The following TLK1 variants were observed in gnomAD, a reference collection of about 807,000 sequenced individuals.
TLK1 encodes tousled like kinase 1, also known as serine/threonine-protein kinase tousled-like 1.
In TLK1, 24 loss-of-function variants were observed where a neutral mutation model predicts 105.3. That is an observed-to-expected ratio of 0.23 (90% CI 0.17 to 0.32). The LOEUF (loss-of-function observed/expected upper bound fraction) is 0.32. Ranked by LOEUF, TLK1 falls within the 10% of genes least tolerant of loss-of-function variation. The pLI is 1.00. For synonymous variants in TLK1, 321 were observed against 310.4 expected (o/e 1.03, Z -0.36); for missense variants, 558 against 910.5 (o/e 0.61, Z 4.98).
Position 171,082,149 on chromosome 2 carries a change from A to C in TLK1, c.330+632T>G, listed in dbSNP as rs560193952. 1.8e-4 allele frequency among the ~76,000 whole-genome samples: 27 copies of C among 152,196 alleles called. No individual in the cohort carries two copies. The South Asian group carries it at 5.4e-3, about 30-fold the overall frequency. On this transcript the variant is annotated intron_variant, in intron 3 of 20. Coordinates refer to ENST00000431350, the MANE Select transcript of TLK1 (RefSeq NM_012290.5). ...AACAAATGAATGCTAAAACTCACGG[A>C]ACTTCCTGTCTACCCATTTTTAAAA... is the stretch of plus-strand genomic sequence containing the variant.
intron 1 of TLK1, among the ~76,000 whole-genome samples, chr2:171,177,302 T>TG (rs1324440000): frequency 6.6e-6 from 1 of 151,834 alleles, no homozygotes; most frequent in Admixed American, 6.6e-5. Context: ...CCACCATGCC[T>TG]GGCTAATTTT....
chr2:171,197,995 T>A (rs1575655822), intron 1 of TLK1, among the ~76,000 whole-genome samples: 1 of 152,130 alleles, frequency 6.6e-6, no homozygotes, highest in African/African-American at 2.4e-5. Context: ...TGGATAGACA[T>A]GATGTGTCCA....
chr2:171,091,020 T>C (rs1422753217), intron 2 of TLK1, among the ~76,000 whole-genome samples: 2 of 152,108 alleles, frequency 1.3e-5, no homozygotes, highest in Non-Finnish European at 2.9e-5. Context: ...TTAGACAGAG[T>C]TGCTATAAGA....
At chr2:171,166,565 GT>G (rs1281416747) in intron 1 of TLK1, among the ~76,000 whole-genome samples, 1 of 152,200 alleles carries the variant, frequency 6.6e-6, no homozygotes, top group East Asian at 1.9e-4. Flanking sequence ...ATCCTAAAAT[GT>G]TTTTTATTGA....
intron 3 of TLK1, among the ~76,000 whole-genome samples, chr2:171,074,581 C>T (rs1270262483): frequency 6.9e-6 from 1 of 144,198 alleles, no homozygotes; most frequent in Non-Finnish European, 1.5e-5. Flanking sequence ...GAGCAGAGAT[C>T]GTGCCATTGC....
intron 1 of TLK1, among the ~76,000 whole-genome samples, chr2:171,152,010 C>T (rs1692060875): frequency 6.6e-6 from 1 of 152,118 alleles, no homozygotes; most frequent in South Asian, 2.1e-4. Context: ...TCACACAAAC[C>T]CCTCTGACCT....
intron 1 of TLK1, among the ~76,000 whole-genome samples, chr2:171,122,126 T>C (rs2105538558): frequency 6.6e-6 from 1 of 152,292 alleles, no homozygotes. Flanking sequence ...TTTGTATTTT[T>C]AGTGAAGACG....
intron 1 of TLK1, among the ~76,000 whole-genome samples, chr2:171,125,806 T>C (rs1270807829): frequency 6.6e-6 from 1 of 152,222 alleles, no homozygotes; most frequent in African/African-American, 2.4e-5. Context: ...TTCTGAGATT[T>C]TGGTGCACCC....
chr2:171,123,372 ATT>A (rs35383458), intron 1 of TLK1, among the ~76,000 whole-genome samples: 1 of 150,454 alleles, frequency 6.6e-6, no homozygotes, highest in Non-Finnish European at 1.5e-5. Flanking sequence ...AATTTTTGTA[ATT>A]TTTTTTTTAG....
intron 1 of TLK1, among the ~76,000 whole-genome samples, chr2:171,216,299 A>G (rs1157012074): frequency 6.6e-6 from 1 of 151,914 alleles, no homozygotes; most frequent in East Asian, 1.9e-4. Flanking sequence ...ATACGGTGAA[A>G]CCCTGTCTCT....
intron 11 of TLK1, among the ~76,000 whole-genome samples, chr2:171,028,864 CAGTA>C (rs750557911): frequency 7.9e-5 from 12 of 152,050 alleles, no homozygotes; most frequent in Non-Finnish European, 1.5e-4. Flanking sequence ...GTTTAAGTAA[CAGTA>C]AGTGTCATGA....
At chr2:171,124,583 C>T (rs1690793370) in intron 1 of TLK1, among the ~76,000 whole-genome samples, 1 of 152,180 alleles carries the variant, frequency 6.6e-6, no homozygotes, top group African/African-American at 2.4e-5. Flanking sequence ...AGTACTGATT[C>T]AGTAACACAC....
chr2:171,065,415 A>G (rs902859039), intron 3 of TLK1, among the ~76,000 whole-genome samples: 4 of 152,222 alleles, frequency 2.6e-5, no homozygotes, highest in African/African-American at 9.6e-5. Flanking sequence ...AACAAAAGTT[A>G]CTCTAATATT....
intron 1 of TLK1, among the ~76,000 whole-genome samples, chr2:171,127,047 G>C (rs964756811): frequency 2.0e-5 from 3 of 151,934 alleles, no homozygotes; most frequent in African/African-American, 7.3e-5. Flanking sequence ...AGGCTGAGGT[G>C]AGTGGATCAC....
At chr2:171,200,832 T>C (rs916589961) in intron 1 of TLK1, among the ~76,000 whole-genome samples, 2 of 152,062 alleles carry the variant, frequency 1.3e-5, no homozygotes, top group Admixed American at 1.3e-4. Context: ...CTAAATCATT[T>C]AAAAATTGCT....
chr2:171,089,913 T>A (rs1689154223), intron 2 of TLK1, among the ~76,000 whole-genome samples: 1 of 152,202 alleles, frequency 6.6e-6, no homozygotes, highest in African/African-American at 2.4e-5. Context: ...TATTGTCCTT[T>A]AAGGCTGCCT....
intron 2 of TLK1, among the ~76,000 whole-genome samples, chr2:171,106,836 T>TA (rs1558945381): frequency 6.6e-6 from 1 of 152,210 alleles, no homozygotes; most frequent in Non-Finnish European, 1.5e-5. Context: ...ACCTATATTT[T>TA]AAAATTACAA....
At chr2:171,097,733 G>A (rs536143317) in intron 2 of TLK1, among the ~76,000 whole-genome samples, 16 of 152,288 alleles carry the variant, frequency 1.1e-4, no homozygotes, top group African/African-American at 3.8e-4. Flanking sequence ...AGACCAGCCT[G>A]GCCAACATGG....
chr2:171,016,567 T>C (rs1482344471), intron 12 of TLK1, among the ~76,000 whole-genome samples: 1 of 152,238 alleles, frequency 6.6e-6, no homozygotes, highest in African/African-American at 2.4e-5. Context: ...AAATATTTCA[T>C]CAGCTCCTTT....
Sources: allele counts gnomAD v4.1 joint callset (sites outside exome capture counted in the v4.1 genomes callset), GRCh38; gene constraint gnomAD v4.1.1; transcripts MANE v1.5; gene names NCBI Gene and HGNC (gene_info 2026-07-23, HGNC 2026-07-21).